The following TRIM63 variants were observed in gnomAD, a reference collection of about 807,000 sequenced individuals.
TRIM63 encodes E3 ubiquitin-protein ligase TRIM63.
A neutral mutation model predicts 46.0 loss-of-function variants in TRIM63; 48 were observed. The ratio of observed to expected loss-of-function variants is 1.04; its 90% CI spans 0.83 to 1.33. TRIM63 has a LOEUF of 1.33. Ranked by LOEUF, TRIM63 falls within the 40% of genes most tolerant of loss-of-function variation. The pLI is 0.00. For synonymous variants in TRIM63, 175 were observed against 162.8 expected, an observed-to-expected ratio of 1.08 and a Z score of -0.57; for missense variants, 455 against 441.2, an observed-to-expected ratio of 1.03 and a Z score of -0.28.
rs1264116826 is a variant in TRIM63, at chr1:26,051,493, C to G, written c.*380G>C. On this transcript the variant is annotated 3_prime_UTR_variant, in exon 9 of 9. Coordinates refer to ENST00000374272, the MANE Select transcript of TRIM63 (RefSeq NM_032588.4). ...CCTGGCTTCCTTCCCCTCTTTCTGA[C>G]AATCGCAGGTCACCCAACGACCAGG... The G allele has an allele frequency of 6.1e-6, 1 of 163,174 alleles. No individual in the cohort carries two copies. The highest frequency in any genetic ancestry group is 1.3e-5 in the Non-Finnish European group (1 of 75,066). The allele number at this position is 163,174 out of a possible 1,614,324, so 10.1% of individuals were successfully genotyped here. A position where few individuals can be genotyped will look rare whatever the true frequency, so the allele number is the denominator to read the frequency against.
Position 26,057,647 on chromosome 1 carries a change from C to A in TRIM63, c.835G>T (p.Ala279Ser), listed in dbSNP as rs2050585352. ...EPGGATFLLT[A>S]KQLIKSIVEA... ...ACTGACCTTTTGATGAGTTGCTTGGCAGTCTGCAGGGGGAGAGAGAACAAA... is the reference window on the plus strand; with the variant it reads ...ACTGACCTTTTGATGAGTTGCTTGGAAGTCTGCAGGGGGAGAGAGAACAAA... The change falls in exon 6 of 9, where the codon GCC (alanine) becomes TCC (serine). Residue 279 changes from alanine (A) to serine (S), a missense_variant. By Grantham distance (99) the Ala-to-Ser change is moderately conservative. Transcript: ENST00000374272. 1 of 1,609,348 alleles carries A rather than the reference C, an allele frequency of 6.2e-7. No homozygotes were observed. Among genetic ancestry groups the A allele is most frequent in the Non-Finnish European group, 8.5e-7 (1 of 1,178,072 alleles).
At position 26,057,284 on chromosome 1, in the gene TRIM63, G is replaced by A. The variant is rs753982125; in HGVS notation, c.898C>T (p.Gln300Ter). Residue 300 changes from glutamine (Q) to a stop codon, truncating the protein, a stop_gained, in exon 7 of 9, where the codon CAG becomes TAG. Transcript: ENST00000374272. LOFTEE classifies it high-confidence loss of function. ...SKGCQLGKTE[Q>*]GFENMDFFTL... is the part of the protein sequence containing the mutation. Reference sequence around the variant, plus strand: ...AAGAAGTCCATGTTCTCAAAGCCCTGCTCTGTCTTCCCCAGCTGGCAGCCC... The same window carrying A: ...AAGAAGTCCATGTTCTCAAAGCCCTACTCTGTCTTCCCCAGCTGGCAGCCC... 2 of 1,614,166 alleles carry A rather than the reference G, an allele frequency of 1.2e-6. No individual in the cohort carries two copies. The highest frequency in any genetic ancestry group is 2.2e-5 in the South Asian group (2 of 91,080).
At position 26,062,825 on chromosome 1, in the gene TRIM63, G is replaced by A. The variant is rs2050639252; in HGVS notation, c.333-1491C>T. Among the ~76,000 whole-genome samples the A allele has an allele frequency of 1.3e-5, 2 of 152,098 alleles. 1 individual carries two copies. The highest frequency in any genetic ancestry group is 4.1e-4 in the South Asian group (2 of 4,822). On this transcript the variant is annotated intron_variant, in intron 2 of 8. Coordinates refer to ENST00000374272, the MANE Select transcript of TRIM63 (RefSeq NM_032588.4). Reference sequence around the variant, plus strand: ...TTTGCCCAGGCTGGAGTGCAGTGGTGTGATCTTAGCTCACTGCAAACTCCA... The same window carrying A: ...TTTGCCCAGGCTGGAGTGCAGTGGTATGATCTTAGCTCACTGCAAACTCCA...
intron 6 of TRIM63, 79 bp downstream of exon 6, chr1:26,057,549 T>A: frequency 6.6e-7 from 1 of 1,526,040 alleles, no homozygotes; most frequent in Non-Finnish European, 8.9e-7. Context: ...GCAGGCCTAA[T>A]GCCCAGGATG....
chr1:26,057,741 A>G (rs1198546635), intron 5 of TRIM63, 91 bp from the exon 6 acceptor site: 2 of 1,381,572 alleles, frequency 1.4e-6, no homozygotes, highest in Non-Finnish European at 2.0e-6. Context: ...TTGTAGGTAG[A>G]TATTTGGTGC....
rs1469371503 is a variant in TRIM63 at position 26,058,535 on chromosome 1, T to G, written c.686A>C (p.Gln229Pro). The G allele has an allele frequency of 6.2e-7, 1 of 1,614,230 alleles. No homozygotes were observed. The highest frequency in any genetic ancestry group is 1.7e-5 in the Admixed American group (1 of 60,026). ...TTTCTCCTGCTCCTGCGTGATCCGC[T>G]GCAGCAACTCACTTTTCTTCTCATC... ...ILDEKKSELL[Q>P]RITQEQEKKL... The change falls in exon 5 of 9, where the codon CAG becomes CCG. Residue 229 changes from glutamine (Q) to proline (P), a missense_variant. Physicochemically the swap from Gln to Pro is moderately conservative, Grantham distance 76. Transcript: ENST00000374272.
intron 7 of TRIM63, among the ~76,000 whole-genome samples, chr1:26,056,657 G>C (rs2050572896): frequency 6.6e-6 from 1 of 152,114 alleles, no homozygotes; most frequent in African/African-American, 2.4e-5. Context: ...ACTGCCCCAA[G>C]AGGCCTCCCT....
intron 4 of TRIM63, among the ~76,000 whole-genome samples, chr1:26,059,622 C>T (rs939117757): frequency 6.6e-6 from 1 of 152,190 alleles, no homozygotes; most frequent in Admixed American, 6.5e-5. Context: ...CTCCTTCCTA[C>T]CCTTCGCCCA....
At chr1:26,063,132 G>A (rs943687872) in intron 2 of TRIM63, among the ~76,000 whole-genome samples, 3 of 152,022 alleles carry the variant, frequency 2.0e-5, no homozygotes, top group East Asian at 1.9e-4. Flanking sequence ...GTGCAGCAGC[G>A]ATTCACAGAT....
intron 7 of TRIM63, among the ~76,000 whole-genome samples, chr1:26,056,230 A>T (rs2050569273): frequency 6.6e-6 from 1 of 152,156 alleles, no homozygotes; most frequent in South Asian, 2.1e-4. Flanking sequence ...GCTTCCATTC[A>T]GTTTCTTCAT....
In TRIM63 at chr1:26,051,890, T is replaced by C; in HGVS notation, c.1052-7A>G. ...CCAGCTCCTTACTGGTGTCCTGAAA[T>C]GAAGAAAAAGATACAGAGGCAAGGG... On this transcript the variant is annotated splice_region_variant and splice_polypyrimidine_tract_variant and intron_variant, in intron 8 of 8. Coordinates refer to ENST00000374272, the MANE Select transcript of TRIM63 (RefSeq NM_032588.4). 1.6e-6 allele frequency: 2 copies of C among 1,283,912 alleles called. No individual in the cohort carries two copies. The highest frequency in any genetic ancestry group is 2.0e-6 in the Non-Finnish European group (2 of 1,002,676). The allele number at this position is 1,283,912 out of a possible 1,614,324, so 79.5% of individuals were successfully genotyped here. A position where few individuals can be genotyped will look rare whatever the true frequency, so the allele number is the denominator to read the frequency against.
chr1:26,065,087 G>A (rs900013655), intron 2 of TRIM63, among the ~76,000 whole-genome samples: 4 of 146,218 alleles, frequency 2.7e-5, no homozygotes, highest in Non-Finnish European at 6.0e-5. Flanking sequence ...GCAGTGGCAC[G>A]ATCTCTGCTC....
chr1:26,057,114 T>A, intron 7 of TRIM63, 89 bp downstream of exon 7: 1 of 1,522,360 alleles, frequency 6.6e-7, no homozygotes, highest in Non-Finnish European at 9.0e-7. Context: ...TATTAGTGTA[T>A]CTGCCTCCCC....
chr1:26,058,665 A>AT, intron 4 of TRIM63, 42 bp from the exon 5 acceptor site: 1 of 1,552,702 alleles, frequency 6.4e-7, no homozygotes, highest in Non-Finnish European at 8.9e-7. Flanking sequence ...TAGGGTCTTT[A>AT]TTCCCTGCCC....
intron 7 of TRIM63, 151 bp from the exon 8 acceptor site, chr1:26,054,115 G>C: frequency 1.8e-6 from 1 of 562,138 alleles, no homozygotes; most frequent in East Asian, 3.3e-5. Flanking sequence ...TCTGGGAGGG[G>C]ATGGGCTTGC....
intron 2 of TRIM63, among the ~76,000 whole-genome samples, chr1:26,061,881 A>C (rs1465965949): frequency 6.6e-6 from 1 of 152,208 alleles, no homozygotes; most frequent in East Asian, 1.9e-4. Context: ...ACCTCCATCA[A>C]GGTAGGGAAA....
chr1:26,061,460 G>C (rs1349195755), intron 2 of TRIM63, 126 bp from the exon 3 acceptor site: 12 of 998,856 alleles, frequency 1.2e-5, no homozygotes, highest in Non-Finnish European at 1.5e-6. Context: ...CCAGGAATTC[G>C]AGGCTGCAGT....
chr1:26,063,691 A>G (rs560189240), intron 2 of TRIM63, among the ~76,000 whole-genome samples: 1 of 152,330 alleles, frequency 6.6e-6, no homozygotes, highest in South Asian at 2.1e-4. Flanking sequence ...ATTTTGGACT[A>G]GTGATTTCAC....
chr1:26,063,321 A>G (rs2050644648), intron 2 of TRIM63, among the ~76,000 whole-genome samples: 1 of 152,172 alleles, frequency 6.6e-6, no homozygotes, highest in East Asian at 1.9e-4. Flanking sequence ...CCCAAACAGA[A>G]CAGGCATCTT....
Sources: gnomAD v4.1 joint callset for allele counts (sites outside exome capture counted in the v4.1 genomes callset) on GRCh38, gnomAD v4.1.1 for gene constraint, MANE v1.5 for transcripts, NCBI Gene and HGNC (gene_info 2026-07-23, HGNC 2026-07-21) for gene names.